The following USP15 variants were observed in gnomAD, a reference collection of about 807,000 sequenced individuals.
The protein encoded by USP15 is ubiquitin specific peptidase 15, also known as ubiquitin carboxyl-terminal hydrolase 15.
Under a neutral mutation model 127.1 loss-of-function variants are expected in USP15, and 18 were observed. That is an observed-to-expected ratio of 0.14 (90% CI 0.10 to 0.21). The LOEUF is 0.21. USP15 is among the 10% of genes least tolerant of loss of function. The probability of loss-of-function intolerance (pLI) is 1.00; values close to 1 mark genes in which losing one functional copy is unlikely to be tolerated. For synonymous variants in USP15, 364 were observed against 393.7 expected (o/e 0.92, Z 0.89); for missense variants, 805 against 1,159.9 (o/e 0.69, Z 4.44).
intron 1 of USP15, among the ~76,000 whole-genome samples, chr12:62,290,588 G>A (rs1304221837): frequency 6.6e-6 from 1 of 152,084 alleles, no homozygotes; most frequent in Non-Finnish European, 1.5e-5. Flanking sequence ...TTTAAGTAGA[G>A]CATTTAACTC....
At chr12:62,313,537 A>G (rs1260438934) in intron 3 of USP15, among the ~76,000 whole-genome samples, 14 of 151,694 alleles carry the variant, frequency 9.2e-5, no homozygotes, top group Admixed American at 9.2e-4. Flanking sequence ...CAGTATAGAA[A>G]TTACTGACTG....
At chr12:62,341,738 A>G (rs2065653975) in intron 6 of USP15, among the ~76,000 whole-genome samples, 1 of 152,306 alleles carries the variant, frequency 6.6e-6, no homozygotes, top group Non-Finnish European at 1.5e-5. Flanking sequence ...GGGTTTCTGC[A>G]GAGAGATCTG....
intron 5 of USP15, 142 bp from the exon 6 acceptor site, chr12:62,325,730 G>T (rs369654957): frequency 3.4e-6 from 2 of 591,758 alleles, no homozygotes; most frequent in East Asian, 6.1e-5. Flanking sequence ...TCGAAATGCA[G>T]ATTACCTGTT....
chr12:62,321,295 C>G (rs796672804), intron 4 of USP15, among the ~76,000 whole-genome samples, 169 bp from the exon 5 acceptor site: 4 of 152,146 alleles, frequency 2.6e-5, no homozygotes, highest in African/African-American at 9.6e-5. Flanking sequence ...TCCATAAAAA[C>G]TTGGTCTTAA....
At chr12:62,315,626 T>C (rs1461899455) in intron 4 of USP15, among the ~76,000 whole-genome samples, 1 of 152,154 alleles carries the variant, frequency 6.6e-6, no homozygotes, top group East Asian at 1.9e-4. Flanking sequence ...CCATTGATCT[T>C]AGAAAATACA....
intron 11 of USP15, among the ~76,000 whole-genome samples, chr12:62,388,117 A>ATTTTTTTTTTT (rs58192089): frequency 2.1e-4 from 22 of 106,598 alleles, no homozygotes; most frequent in Non-Finnish European, 3.1e-4. Context: ...AATGGTGAAG[A>ATTTTTTTTTTT]TTTTTTTTTT....
At chr12:62,281,945 A>C (rs1203999071) in intron 1 of USP15, among the ~76,000 whole-genome samples, 1 of 152,188 alleles carries the variant, frequency 6.6e-6, no homozygotes, top group Non-Finnish European at 1.5e-5. Flanking sequence ...TGCAGAGTAT[A>C]AGTTCCAAGA....
At chr12:62,276,655 A>G (rs2063498970) in intron 1 of USP15, among the ~76,000 whole-genome samples, 1 of 152,086 alleles carries the variant, frequency 6.6e-6, no homozygotes, top group East Asian at 1.9e-4. Flanking sequence ...TCAGGAATGA[A>G]TACACTACCG....
At chr12:62,355,823 TTC>T (rs1425761298) in intron 8 of USP15, among the ~76,000 whole-genome samples, 15 of 129,210 alleles carry the variant, frequency 1.2e-4, no homozygotes, top group African/African-American at 2.6e-4. Flanking sequence ...CACTTTTTTT[TTC>T]TTTTTTTTTT....
At chr12:62,401,651 C>G (rs1413688123) in intron 21 of USP15, among the ~76,000 whole-genome samples, 1 of 151,686 alleles carries the variant, frequency 6.6e-6, no homozygotes, top group South Asian at 2.1e-4. Flanking sequence ...CTTACCGTAC[C>G]TGTGATCTTT....
intron 1 of USP15, among the ~76,000 whole-genome samples, chr12:62,271,213 ACAT>A (rs1224725600): frequency 6.6e-6 from 1 of 152,124 alleles, no homozygotes; most frequent in African/African-American, 2.4e-5. Flanking sequence ...AAAAATCGTC[ACAT>A]CATACCCTTT....
chr12:62,273,658 CCA>C (rs1206885005), intron 1 of USP15, among the ~76,000 whole-genome samples: 3 of 151,910 alleles, frequency 2.0e-5, no homozygotes, highest in Admixed American at 6.6e-5. Context: ...ACAAATTCAT[CCA>C]CAGTTTAGTG....
intron 20 of USP15, among the ~76,000 whole-genome samples, chr12:62,398,066 ACTGCAAC>A (rs1436272983): frequency 6.6e-6 from 1 of 151,258 alleles, no homozygotes. Flanking sequence ...ATATTGGCTC[ACTGCAAC>A]CTCCACCTCC....
intron 21 of USP15, among the ~76,000 whole-genome samples, chr12:62,403,328 A>G (rs1343038179): frequency 6.6e-6 from 1 of 152,104 alleles, no homozygotes. Context: ...ATAAGTCCAC[A>G]GAAGAGCCTG....
intron 3 of USP15, among the ~76,000 whole-genome samples, chr12:62,312,892 C>CCATTACA (rs1457902794): frequency 2.0e-5 from 3 of 151,466 alleles, no homozygotes; most frequent in African/African-American, 7.3e-5. Flanking sequence ...CTACATGTGA[C>CCATTACA]CATTACACAT....
rs1447597228 is a variant in USP15, at chr12:62,415,640, A to G, written c.*11265A>G. 6.6e-6 allele frequency: 1 copy of G among 152,192 alleles called. No homozygotes were observed. The highest frequency in any genetic ancestry group is 1.5e-5 in the Non-Finnish European group (1 of 68,060). The allele number at this position is 152,192 out of a possible 1,614,324, so 9.4% of individuals were successfully genotyped here. A position where few individuals can be genotyped will look rare whatever the true frequency, so the allele number is the denominator to read the frequency against. On this transcript the variant is annotated 3_prime_UTR_variant, in exon 22 of 22. Transcript: ENST00000280377. Reference sequence around the variant, plus strand: ...TGTCCATCTAGGAAGGCTTGGGGTGAGCAACCTGATTAGAAGGGAACAATG... The same window carrying G: ...TGTCCATCTAGGAAGGCTTGGGGTGGGCAACCTGATTAGAAGGGAACAATG...
intron 4 of USP15, among the ~76,000 whole-genome samples, chr12:62,315,670 A>G (rs1178026562): frequency 1.3e-5 from 2 of 152,196 alleles, no homozygotes; most frequent in African/African-American, 4.8e-5. Flanking sequence ...TAACTTGTAG[A>G]ACCCAGCTTG....
At chr12:62,276,319 A>G (rs1438308460) in intron 1 of USP15, among the ~76,000 whole-genome samples, 3 of 152,156 alleles carry the variant, frequency 2.0e-5, no homozygotes, top group Non-Finnish European at 4.4e-5. Flanking sequence ...TAGCCTGTTC[A>G]TCACAAAACA....
rs1045175195 is a variant in USP15 at position 62,303,164 on chromosome 12, G to C, written c.348+244G>C. ...ATAGAGAGAAAACTCTGTAAGGTAAGTAGTAGGAAATGAGGATAAAAAGTT... is the reference window on the plus strand; with the variant it reads ...ATAGAGAGAAAACTCTGTAAGGTAACTAGTAGGAAATGAGGATAAAAAGTT... On this transcript the variant is annotated intron_variant, in intron 3 of 21. Transcript: ENST00000280377. The C allele has an allele frequency of 1.1e-5, 3 of 275,952 alleles. No homozygotes were observed. The East Asian group carries it at 1.9e-4, about 18-fold the overall frequency. 17.1% of individuals were successfully genotyped at this position (275,952 alleles called of 1,614,324 possible). A position where few individuals can be genotyped will look rare whatever the true frequency, so the allele number is the denominator to read the frequency against.
Sources: allele counts gnomAD v4.1 joint callset (sites outside exome capture counted in the v4.1 genomes callset), GRCh38; gene constraint gnomAD v4.1.1; transcripts MANE v1.5; gene names NCBI Gene and HGNC (gene_info 2026-07-23, HGNC 2026-07-21).